Variants in VTI1A observed in about 807,000 individuals in gnomAD.
VTI1A encodes the protein vesicle transport through interaction with t-SNAREs 1A.
A neutral mutation model predicts 34.9 loss-of-function variants in VTI1A; 22 were observed. That is an observed-to-expected ratio of 0.63 (90% confidence interval 0.45 to 0.90). VTI1A has a LOEUF of 0.90. Ranked by LOEUF, VTI1A falls within the 40% of genes least tolerant of loss-of-function variation. The pLI is 0.00. For synonymous variants in VTI1A, 87 were observed against 97.3 expected, an observed-to-expected ratio of 0.89 and a Z score of 0.62; for missense variants, 268 against 275.6, an observed-to-expected ratio of 0.97 and a Z score of 0.20.
intron 7 of VTI1A, among the ~76,000 whole-genome samples, chr10:112,682,117 G>A (rs1046824492): frequency 1.3e-5 from 2 of 151,952 alleles, no homozygotes; most frequent in Admixed American, 1.3e-4. Context: ...TCTGTATAAA[G>A]AAAAAAAGAA....
chr10:112,801,142 C>T (rs779966168), intron 7 of VTI1A, among the ~76,000 whole-genome samples: 30 of 152,214 alleles, frequency 2.0e-4, no homozygotes, highest in Non-Finnish European at 4.0e-4. Context: ...AGAACCTTCT[C>T]GAGCAGATCT....
chr10:112,628,721 A>G (rs960880091), intron 5 of VTI1A, among the ~76,000 whole-genome samples: 4 of 152,148 alleles, frequency 2.6e-5, no homozygotes, highest in African/African-American at 9.7e-5. Flanking sequence ...TTCTTTATCC[A>G]AAAGTATTTG....
At chr10:112,689,345 A>G (rs1476185577) in intron 7 of VTI1A, among the ~76,000 whole-genome samples, 2 of 152,182 alleles carry the variant, frequency 1.3e-5, no homozygotes, top group South Asian at 2.1e-4. Context: ...CTACCTGGTC[A>G]TGTGTTAACC....
chr10:112,672,980 G>C (rs1037127171), intron 7 of VTI1A, among the ~76,000 whole-genome samples: 8 of 151,970 alleles, frequency 5.3e-5, no homozygotes, highest in South Asian at 4.2e-4. Flanking sequence ...ACTTTACCTT[G>C]GCTCCTCCGC....
chr10:112,532,689 G>A (rs2134239135), intron 4 of VTI1A, among the ~76,000 whole-genome samples: 1 of 152,252 alleles, frequency 6.6e-6, no homozygotes, highest in Admixed American at 6.5e-5. Flanking sequence ...TTACTAAGAA[G>A]TAAGGAGTGA....
At chr10:112,672,001 G>A (rs899498656) in intron 7 of VTI1A, 4 of 152,004 alleles carry the variant, frequency 2.6e-5, no homozygotes, top group Non-Finnish European at 4.4e-5. Context: ...AGTAGAGGAC[G>A]TATGCATAAA....
chr10:112,829,502 G>A, the VTI1A span, among the ~76,000 whole-genome samples: 2 of 150,436 alleles, frequency 1.3e-5, no homozygotes, highest in African/African-American at 4.9e-5. Flanking sequence ...TATAATCCCA[G>A]CCATTTGGGA....
chr10:112,758,203 G>A (rs948739969), intron 7 of VTI1A, among the ~76,000 whole-genome samples: 1 of 152,096 alleles, frequency 6.6e-6, no homozygotes, highest in Non-Finnish European at 1.5e-5. Flanking sequence ...TAGAGGAGGG[G>A]GGTCTTGCAC....
At chr10:112,657,367 C>A (rs1182672496) in intron 5 of VTI1A, among the ~76,000 whole-genome samples, 3 of 152,096 alleles carry the variant, frequency 2.0e-5, no homozygotes, top group Admixed American at 6.6e-5. Flanking sequence ...TTCTTTCTTT[C>A]TGTGTGCTCA....
intron 4 of VTI1A, among the ~76,000 whole-genome samples, chr10:112,535,405 CA>C (rs1410047425): frequency 6.6e-6 from 1 of 152,134 alleles, no homozygotes; most frequent in African/African-American, 2.4e-5. Context: ...ATGTTACCCC[CA>C]TGTTTCTTAA....
At position 112,526,991 on chromosome 10, in the gene VTI1A, C is replaced by T. The variant is rs900779933; in HGVS notation, c.265-96C>T. ...GCCAATAGGTTTCCATTAGGGGGCT[C>T]TCGAGGTTTGAGATCAGCCTTGATA... On this transcript the variant is annotated intron_variant, in intron 3 of 7. Transcript: ENST00000393077. 46 of 1,197,582 alleles carry T rather than the reference C, an allele frequency of 3.8e-5. No individual in the cohort carries two copies. The Middle Eastern group carries it at 5.9e-4, about 15-fold the overall frequency. 74.2% of individuals were successfully genotyped at this position (1,197,582 alleles called of 1,614,324 possible). A position where few individuals can be genotyped will look rare whatever the true frequency, so the allele number is the denominator to read the frequency against.
intron 5 of VTI1A, among the ~76,000 whole-genome samples, chr10:112,665,124 G>A (rs1201373426): frequency 7.2e-5 from 11 of 152,092 alleles, no homozygotes. Flanking sequence ...CTATTATGGT[G>A]TTTTTGGTGA....
chr10:112,757,352 T>TA (rs1851323546), intron 7 of VTI1A, among the ~76,000 whole-genome samples: 1 of 61,562 alleles, frequency 1.6e-5, no homozygotes, highest in Non-Finnish European at 2.6e-5. Flanking sequence ...GTTGCTGTGA[T>TA]TTTTTTTTTT....
chr10:112,604,591 C>T (rs557211728), intron 5 of VTI1A, among the ~76,000 whole-genome samples: 1 of 152,264 alleles, frequency 6.6e-6, no homozygotes, highest in East Asian at 1.9e-4. Context: ...ATTTTGCTTC[C>T]ACACAACCAG....
intron 5 of VTI1A, among the ~76,000 whole-genome samples, chr10:112,606,681 A>G (rs1845097785): frequency 6.6e-6 from 1 of 152,194 alleles, no homozygotes; most frequent in Admixed American, 6.5e-5. Context: ...GCTGCCCACT[A>G]GTTAATGACA....
intron 5 of VTI1A, among the ~76,000 whole-genome samples, chr10:112,629,820 A>C (rs898571943): frequency 2.6e-5 from 4 of 152,194 alleles, no homozygotes; most frequent in Non-Finnish European, 5.9e-5. Flanking sequence ...GATGCACATA[A>C]ATCCACTGTG....
chr10:112,821,070 G>A (rs190059582), downstream of VTI1A, among the ~76,000 whole-genome samples: 40 of 152,266 alleles, frequency 2.6e-4, no homozygotes, highest in Admixed American at 2.4e-3. Flanking sequence ...TTCCTCATCC[G>A]GAATCGCTCG....
At chr10:112,773,936 A>G (rs924746879) in intron 7 of VTI1A, among the ~76,000 whole-genome samples, 2 of 152,212 alleles carry the variant, frequency 1.3e-5, no homozygotes, top group Non-Finnish European at 2.9e-5. Context: ...GTAGCCACTG[A>G]CATAAACACA....
intron 5 of VTI1A, among the ~76,000 whole-genome samples, chr10:112,556,682 T>C (rs964556350): frequency 3.3e-5 from 5 of 152,164 alleles, no homozygotes; most frequent in Non-Finnish European, 5.9e-5. Flanking sequence ...TTATATCTTA[T>C]CCTAATTTGT....
Sources: gnomAD v4.1 joint callset for allele counts (sites outside exome capture counted in the v4.1 genomes callset) on GRCh38, gnomAD v4.1.1 for gene constraint, MANE v1.5 for transcripts, NCBI Gene and HGNC (gene_info 2026-07-23, HGNC 2026-07-21) for gene names.